Variants in SRFBP1 observed in about 807,000 individuals in gnomAD.
SRFBP1 encodes the protein serum response factor-binding protein 1.
A neutral mutation model predicts 45.5 loss-of-function variants in SRFBP1; 47 were observed. The ratio of observed to expected loss-of-function variants is 1.03; its 90% CI spans 0.82 to 1.32. The LOEUF (loss-of-function observed/expected upper bound fraction) is 1.32. Among genes scored for constraint, SRFBP1 ranks in the 40% most tolerant of loss-of-function variants. The pLI is 0.00. For synonymous variants in SRFBP1, 203 were observed against 166.3 expected (o/e 1.22, Z -1.70); for missense variants, 621 against 484.6 (o/e 1.28, Z -2.64).
At position 122,038,001 on chromosome 5, in the gene SRFBP1, T is replaced by A. The variant is rs180870267; in HGVS notation, n.311+15594T>A. Among the ~76,000 whole-genome samples the A allele has an allele frequency of 5.9e-4, 90 of 152,362 alleles. 1 individual carries two copies. Among genetic ancestry groups the A allele is most frequent in the African/African-American group, 2.1e-3 (87 of 41,582 alleles). On this transcript the variant is annotated intron_variant and non_coding_transcript_variant, in intron 2 of 2. Transcript: ENST00000504881. ...AAGTGGAATGTGGATGAAAACTATC[T>A]GAGCCATTTCCAGGTGTGGCCCATA...
intron 3 of SRFBP1, among the ~76,000 whole-genome samples, chr5:121,981,591 C>G (rs1752408798): frequency 6.8e-6 from 1 of 147,864 alleles, no homozygotes; most frequent in South Asian, 2.2e-4. Flanking sequence ...TAAACTGAAT[C>G]CCAAACTTAG....
chr5:122,076,589 T>C (rs924583436), downstream of SRFBP1, among the ~76,000 whole-genome samples: 1 of 152,172 alleles, frequency 6.6e-6, no homozygotes, highest in South Asian at 2.1e-4. Context: ...TGAAAAGTGA[T>C]TGGAACAATT....
At chr5:122,075,170 A>G in intron 2 of SRFBP1, 1 of 378,158 alleles carries the variant, frequency 2.6e-6, no homozygotes, top group Non-Finnish European at 4.7e-6. Context: ...ATTGAAGTCA[A>G]TTGCTGTATC....
intron 1 of SRFBP1, among the ~76,000 whole-genome samples, chr5:121,962,537 G>T (rs925322129): frequency 6.6e-6 from 1 of 152,234 alleles, no homozygotes; most frequent in African/African-American, 2.4e-5. Context: ...TGTATGCTCA[G>T]TACTTCGTTT....
downstream of SRFBP1, among the ~76,000 whole-genome samples, chr5:122,030,371 C>T (rs1029380842): frequency 6.6e-6 from 1 of 152,180 alleles, no homozygotes; most frequent in African/African-American, 2.4e-5. Flanking sequence ...TGAAAACCAA[C>T]AGCCCATGAT....
chr5:122,007,980 C>T (rs1366615055), intron 4 of SRFBP1, among the ~76,000 whole-genome samples: 1 of 151,280 alleles, frequency 6.6e-6, no homozygotes, highest in Non-Finnish European at 1.5e-5. Context: ...GTACTGGGGT[C>T]GGTATATATC....
At position 122,019,340 on chromosome 5, in the gene SRFBP1, A is replaced by T; in HGVS notation, c.351A>T (p.Lys117Asn). Residue 117 changes from lysine (K) to asparagine (N), a missense_variant and splice_region_variant, in exon 5 of 8, where the codon AAA becomes AAT. Lys to Asn is a moderately conservative substitution (Grantham distance 94). Transcript: ENST00000339397. ...TGAAGAAAAAGATAGATGTGCTAAAAGGTATGAATTAAATGACTTTTAAGC... is the reference window on the plus strand; with the variant it reads ...TGAAGAAAAAGATAGATGTGCTAAATGGTATGAATTAAATGACTTTTAAGC... ...PLLKKKIDVL[K>N]AAVQAFKEAR... is the part of the protein sequence containing the mutation. 6.2e-7 allele frequency: 1 copy of T among 1,610,332 alleles called. No individual in the cohort carries two copies. Among genetic ancestry groups the T allele is most frequent in the Non-Finnish European group, 8.5e-7 (1 of 1,177,926 alleles).
chr5:122,067,826 C>T (rs550795713), intron 2 of SRFBP1, among the ~76,000 whole-genome samples: 2 of 152,148 alleles, frequency 1.3e-5, no homozygotes, highest in East Asian at 1.9e-4. Flanking sequence ...TTCCTTAATG[C>T]TCCCCGGTGC....
chr5:122,044,361 A>G (rs1753816865), intron 2 of SRFBP1, among the ~76,000 whole-genome samples: 1 of 152,204 alleles, frequency 6.6e-6, no homozygotes, highest in African/African-American at 2.4e-5. Context: ...CTTTGGATAT[A>G]TACCCAATAA....
chr5:122,002,019 T>A (rs114482398), intron 4 of SRFBP1, among the ~76,000 whole-genome samples: 14 of 152,366 alleles, frequency 9.2e-5, no homozygotes, highest in Non-Finnish European at 1.8e-4. Context: ...TTATATTACA[T>A]ATTGATTTGT....
chr5:122,072,139 G>A (rs531283136), intron 2 of SRFBP1, among the ~76,000 whole-genome samples: 1 of 152,216 alleles, frequency 6.6e-6, no homozygotes, highest in South Asian at 2.1e-4. Flanking sequence ...AGGATTCACT[G>A]GATTAGATAT....
intron 7 of SRFBP1, among the ~76,000 whole-genome samples, chr5:122,025,379 G>A (rs1753458176): frequency 1.3e-5 from 2 of 152,106 alleles, no homozygotes; most frequent in South Asian, 4.1e-4. Context: ...CATTTGGGTT[G>A]GTTCCAAGTC....
At chr5:122,010,964 C>T (rs1753080543) in intron 4 of SRFBP1, among the ~76,000 whole-genome samples, 1 of 151,870 alleles carries the variant, frequency 6.6e-6, no homozygotes, top group South Asian at 2.1e-4. Context: ...CCTAAATATC[C>T]ATGTTTAGTT....
At chr5:122,072,686 A>G (rs752963584) in intron 2 of SRFBP1, among the ~76,000 whole-genome samples, 30 of 152,224 alleles carry the variant, frequency 2.0e-4, no homozygotes, top group Non-Finnish European at 3.5e-4. Context: ...ACAAATATAT[A>G]AATCGCTCAA....
chr5:122,033,743 GC>G (rs961941916), intron 2 of SRFBP1, among the ~76,000 whole-genome samples: 2 of 149,618 alleles, frequency 1.3e-5, no homozygotes, highest in African/African-American at 4.9e-5. Flanking sequence ...ACATGTGTGA[GC>G]CCCCACGCCC....
downstream of SRFBP1, among the ~76,000 whole-genome samples, chr5:122,033,012 GAC>G (rs1753615707): frequency 6.6e-6 from 1 of 152,050 alleles, no homozygotes; most frequent in Admixed American, 6.6e-5. Flanking sequence ...ACCTCTTTGT[GAC>G]AGTAAGATGG....
intron 2 of SRFBP1, among the ~76,000 whole-genome samples, chr5:122,053,139 A>G (rs917862635): frequency 2.6e-5 from 4 of 151,972 alleles, no homozygotes; most frequent in Non-Finnish European, 5.9e-5. Context: ...CAGCCCTCAT[A>G]TGTTGTTCCT....
chr5:122,010,762 A>T (rs1172786981), intron 4 of SRFBP1, among the ~76,000 whole-genome samples: 1 of 152,102 alleles, frequency 6.6e-6, no homozygotes, highest in Admixed American at 6.6e-5. Context: ...ATATATGACC[A>T]GTTTTCAGTG....
chr5:121,977,176 T>C (rs945906284), intron 3 of SRFBP1, among the ~76,000 whole-genome samples: 10 of 152,098 alleles, frequency 6.6e-5, no homozygotes, highest in African/African-American at 2.4e-4. Flanking sequence ...TGGTTTGGTT[T>C]GGTTTGGTTT....
Sources: gnomAD v4.1 joint callset for allele counts (sites outside exome capture counted in the v4.1 genomes callset) on GRCh38, gnomAD v4.1.1 for gene constraint, MANE v1.5 for transcripts, NCBI Gene and HGNC (gene_info 2026-07-23, HGNC 2026-07-21) for gene names.